The following DYNC1I1 variants were observed in gnomAD, a reference collection of about 807,000 sequenced individuals.
DYNC1I1 encodes dynein cytoplasmic 1 intermediate chain 1.
Under a neutral mutation model 86.6 loss-of-function variants are expected in DYNC1I1, and 43 were observed. The ratio of observed to expected loss-of-function variants is 0.50; its 90% CI spans 0.39 to 0.64. DYNC1I1 has a LOEUF of 0.64. Ranked by LOEUF, DYNC1I1 falls within the 30% of genes least tolerant of loss-of-function variation. DYNC1I1 has a pLI of 0.00. For synonymous variants in DYNC1I1, 262 were observed against 283.7 expected (o/e 0.92, Z 0.77); for missense variants, 604 against 788.8 (o/e 0.77, Z 2.81).
chr7:96,020,357 T>G (rs1794513477), intron 10 of DYNC1I1, among the ~76,000 whole-genome samples: 3 of 152,044 alleles, frequency 2.0e-5, no homozygotes, highest in African/African-American at 7.2e-5. Flanking sequence ...CTTACATGGA[T>G]GGCAGCAGGC....
intron 7 of DYNC1I1, among the ~76,000 whole-genome samples, chr7:95,979,738 T>G (rs1047182505): frequency 1.3e-5 from 2 of 152,200 alleles, no homozygotes; most frequent in African/African-American, 4.8e-5. Flanking sequence ...TTCTAGGGTG[T>G]GACTAAGGTT....
At chr7:95,894,726 A>G (rs1464393981) in intron 6 of DYNC1I1, among the ~76,000 whole-genome samples, 1 of 152,204 alleles carries the variant, frequency 6.6e-6, no homozygotes, top group Admixed American at 6.5e-5. Context: ...GTAGCATAAA[A>G]ATCTGTGCTT....
At chr7:95,861,015 T>A (rs1789862886) in intron 5 of DYNC1I1, among the ~76,000 whole-genome samples, 2 of 152,080 alleles carry the variant, frequency 1.3e-5, no homozygotes, top group African/African-American at 4.8e-5. Context: ...CATAGCAACA[T>A]CTGTTCCTGG....
intron 5 of DYNC1I1, among the ~76,000 whole-genome samples, chr7:95,846,628 T>TGTGTGTGTGC (rs1491354725): frequency 1.6e-5 from 2 of 128,836 alleles, no homozygotes; most frequent in African/African-American, 7.4e-5. Context: ...TCTCTCTCTC[T>TGTGTGTGTGC]GTGTGTGTGT....
intron 15 of DYNC1I1, among the ~76,000 whole-genome samples, chr7:96,079,590 T>C (rs1004597127): frequency 6.6e-6 from 1 of 152,178 alleles, no homozygotes; most frequent in Non-Finnish European, 1.5e-5. Flanking sequence ...TTAATTATTA[T>C]TATTGTTATA....
chr7:95,884,845 CA>C (rs1346490145), intron 6 of DYNC1I1, among the ~76,000 whole-genome samples: 2 of 151,578 alleles, frequency 1.3e-5, no homozygotes, highest in Non-Finnish European at 2.9e-5. Context: ...GCTACATACA[CA>C]GCAGTATTCT....
At chr7:95,941,621 A>C (rs892886019) in intron 6 of DYNC1I1, among the ~76,000 whole-genome samples, 4 of 152,152 alleles carry the variant, frequency 2.6e-5, no homozygotes, top group African/African-American at 7.2e-5. Flanking sequence ...GCAGGATATA[A>C]TCTCCTCGTG....
intron 1 of DYNC1I1, among the ~76,000 whole-genome samples, chr7:95,790,925 G>T (rs978509992): frequency 1.3e-5 from 2 of 152,154 alleles, no homozygotes; most frequent in African/African-American, 2.4e-5. Context: ...CCCCAACAGG[G>T]ATTGGTGGTC....
Position 96,051,337 on chromosome 7 carries a change from A to G in DYNC1I1, c.1509+11916A>G, listed in dbSNP as rs192574491. On this transcript the variant is annotated intron_variant, in intron 14 of 16. Transcript: ENST00000447467. ...TGTTTCTTCTATTTGTATTAAATCTATCTTCTAAATCCTTTCTGCTCTCAA... is the reference window on the plus strand; with the variant it reads ...TGTTTCTTCTATTTGTATTAAATCTGTCTTCTAAATCCTTTCTGCTCTCAA... Among the ~76,000 whole-genome samples the G allele has an allele frequency of 4.6e-5, 7 of 152,254 alleles. No homozygotes were observed. In the East Asian group the frequency reaches 1.4e-3, roughly 29 times the overall value.
chr7:96,054,474 G>C (rs1400949272), intron 14 of DYNC1I1, among the ~76,000 whole-genome samples: 1 of 152,210 alleles, frequency 6.6e-6, no homozygotes, highest in Non-Finnish European at 1.5e-5. Context: ...ATAGTAGAAT[G>C]ATTTATAATC....
chr7:95,975,424 C>A (rs1466254926), intron 6 of DYNC1I1, among the ~76,000 whole-genome samples: 1 of 152,072 alleles, frequency 6.6e-6, no homozygotes, highest in African/African-American at 2.4e-5. Context: ...TTTGGTGTTC[C>A]TTGGCTTGTA....
chr7:96,024,464 A>G (rs1450148437), intron 10 of DYNC1I1, among the ~76,000 whole-genome samples: 1 of 152,202 alleles, frequency 6.6e-6, no homozygotes, highest in Non-Finnish European at 1.5e-5. Flanking sequence ...ATTTTAAGGA[A>G]TAAAATAAAA....
chr7:95,923,516 G>A (rs1388160681), intron 6 of DYNC1I1, among the ~76,000 whole-genome samples: 1 of 152,096 alleles, frequency 6.6e-6, no homozygotes, highest in Non-Finnish European at 1.5e-5. Flanking sequence ...AGCTTAATGA[G>A]ACAGTGTAAA....
intron 6 of DYNC1I1, among the ~76,000 whole-genome samples, chr7:95,930,607 C>T (rs913349351): frequency 6.6e-6 from 1 of 152,128 alleles, no homozygotes; most frequent in East Asian, 1.9e-4. Flanking sequence ...ATTTGGTCTC[C>T]ACCTGAGTGG....
chr7:95,891,492 T>C (rs900853472), intron 6 of DYNC1I1, among the ~76,000 whole-genome samples: 30 of 152,180 alleles, frequency 2.0e-4, no homozygotes, highest in Non-Finnish European at 1.6e-4. Flanking sequence ...GCATCTGGGC[T>C]TGGAGGAGAT....
intron 4 of DYNC1I1, among the ~76,000 whole-genome samples, chr7:95,827,842 A>G (rs1158016830): frequency 2.0e-5 from 3 of 152,118 alleles, no homozygotes; most frequent in Non-Finnish European, 4.4e-5. Context: ...AAGCAGCCAT[A>G]GCTCCCGATA....
rs992167850 is a variant in DYNC1I1 at position 96,040,716 on chromosome 7, G to C, written c.1509+1295G>C. ...TAGCAGTGATCTTCACAAATGAGTA[G>C]TTTTTTTTTTTTTTCTTTTTTTTGA... On this transcript the variant is annotated intron_variant, in intron 14 of 16. Coordinates refer to ENST00000447467, the MANE Select transcript of DYNC1I1 (RefSeq NM_001135556.2). Among the ~76,000 whole-genome samples the C allele has an allele frequency of 2.1e-5, 3 of 144,806 alleles. No homozygotes were observed. In the South Asian group the frequency reaches 6.7e-4, roughly 32 times the overall value. 95.0% of individuals were successfully genotyped at this position (144,806 alleles called of 152,430 possible).
intron 6 of DYNC1I1, among the ~76,000 whole-genome samples, chr7:95,882,557 T>C (rs1294504538): frequency 6.6e-6 from 1 of 152,210 alleles, no homozygotes; most frequent in Non-Finnish European, 1.5e-5. Flanking sequence ...AAGTAGTGAT[T>C]TGGGCTGCTA....
rs144511284 is a variant in DYNC1I1, at chr7:95,945,265, T to A, written c.491-32247T>A. Among the ~76,000 whole-genome samples, 1,085 of 152,088 alleles carry A rather than the reference T, an allele frequency of 7.1e-3. 10 individuals carry two copies. Among genetic ancestry groups the A allele is most frequent in the African/African-American group, 0.025 (1,036 of 41,530 alleles). ...CCTAGAATTTTATAATAAAAACTAATGTTTATTTTCTATTTCACTGTCTCT... is the reference window on the plus strand; with the variant it reads ...CCTAGAATTTTATAATAAAAACTAAAGTTTATTTTCTATTTCACTGTCTCT... On this transcript the variant is annotated intron_variant, in intron 6 of 16. Coordinates refer to ENST00000447467, the MANE Select transcript of DYNC1I1 (RefSeq NM_001135556.2).
Sources: gnomAD v4.1 joint callset for allele counts (sites outside exome capture counted in the v4.1 genomes callset) on GRCh38, gnomAD v4.1.1 for gene constraint, MANE v1.5 for transcripts, NCBI Gene and HGNC (gene_info 2026-07-23, HGNC 2026-07-21) for gene names.